The following PPP2R5C variants were observed in gnomAD, a reference collection of about 807,000 sequenced individuals.
PPP2R5C encodes the protein serine/threonine-protein phosphatase 2A 56 kDa regulatory subunit gamma isoform.
Under a neutral mutation model 68.9 loss-of-function variants are expected in PPP2R5C, and 7 were observed. The observed-to-expected ratio is 0.10, with a 90% CI of 0.06 to 0.19. The LOEUF (loss-of-function observed/expected upper bound fraction) is 0.19. PPP2R5C is among the 10% of genes least tolerant of loss of function. The probability of loss-of-function intolerance (pLI) is 1.00; values close to 1 mark genes in which losing one functional copy is unlikely to be tolerated. For synonymous variants in PPP2R5C, 210 were observed against 222.2 expected, an observed-to-expected ratio of 0.95 and a Z score of 0.49; for missense variants, 348 against 641.3, an observed-to-expected ratio of 0.54 and a Z score of 4.94.
At chr14:101,847,031 T>G (rs2041868063) in intron 1 of PPP2R5C, among the ~76,000 whole-genome samples, 1 of 152,242 alleles carries the variant, frequency 6.6e-6, no homozygotes. Flanking sequence ...TGTTGCATTC[T>G]ACTCTGATAC....
rs907358778 is a variant in PPP2R5C at position 101,915,512 on chromosome 14, C to T, written c.1327-2319C>T. ...TCCTTTGCCCCGAGGGCCAGAGAGC[C>T]GTGCTCCAAGCGGAGGCTGTTGGTG... On this transcript the variant is annotated intron_variant, in intron 12 of 13. Transcript: ENST00000334743. This position sits in a 1 kb window ranked among gnomAD's most constrained non-coding sequence, Gnocchi z 4.2. Among the ~76,000 whole-genome samples the T allele has an allele frequency of 1.1e-4, 17 of 152,166 alleles. No homozygotes were observed. Among genetic ancestry groups the T allele is most frequent in the Non-Finnish European group, 2.2e-4 (15 of 68,034 alleles).
rs1461533124 is a variant in PPP2R5C at position 101,800,295 on chromosome 14, G to C, written c.259+14112G>C. 2.0e-5 allele frequency among the ~76,000 whole-genome samples: 3 copies of C among 151,868 alleles called. No individual in the cohort carries two copies. The South Asian group carries it at 6.2e-4, about 32-fold the overall frequency. On this transcript the variant is annotated intron_variant, in intron 3 of 14. Transcript: ENST00000328724. ...CGTTACTTTAGGCCAGGCACGGTGG[G>C]TCATGCCTGTAATCCTAGAACTTCG...
chr14:101,829,018 T>G (rs2040571127), intron 1 of PPP2R5C, among the ~76,000 whole-genome samples: 1 of 152,204 alleles, frequency 6.6e-6, no homozygotes. Context: ...AACTATGTTT[T>G]CCAACTTTTC....
exon 14 of PPP2R5C, chr14:101,925,288 G>T (rs1327945731): frequency 1.2e-6 from 2 of 1,610,742 alleles, no homozygotes; most frequent in African/African-American, 1.3e-5. Flanking sequence ...GGGGCGCCGC[G>T]TCGGGGCCGG....
intron 3 of PPP2R5C, among the ~76,000 whole-genome samples, chr14:101,793,192 T>A (rs1436467501): frequency 1.3e-5 from 2 of 152,164 alleles, no homozygotes; most frequent in African/African-American, 4.8e-5. Context: ...CAGCTATTTT[T>A]CAAAGAGCCC....
At chr14:101,878,888 A>G (rs552911123) in intron 2 of PPP2R5C, among the ~76,000 whole-genome samples, 23 of 152,364 alleles carry the variant, frequency 1.5e-4, no homozygotes, top group African/African-American at 5.5e-4. Flanking sequence ...CCGGGTTGAC[A>G]CATACGGCCA....
chr14:101,844,650 A>G (rs1388530414), intron 1 of PPP2R5C, among the ~76,000 whole-genome samples: 2 of 152,204 alleles, frequency 1.3e-5, no homozygotes, highest in African/African-American at 2.4e-5. Context: ...GAAGTAGAGA[A>G]CATAAAAAGG....
intron 13 of PPP2R5C, among the ~76,000 whole-genome samples, chr14:101,919,797 A>G (rs772578952): frequency 1.3e-5 from 2 of 152,094 alleles, no homozygotes. Flanking sequence ...GGGAAACCCC[A>G]TCTCTACTAA....
chr14:101,765,369 TG>T (rs1416300592), intron 2 of PPP2R5C: 1 of 649,450 alleles, frequency 1.5e-6, no homozygotes. Context: ...ATTTTATTAT[TG>T]TTTTTTTTCC....
rs2038674882 is a variant in PPP2R5C, at chr14:101,797,599, C to G, written c.259+11416C>G. 4.2e-6 allele frequency: 1 copy of G among 238,806 alleles called. No individual in the cohort carries two copies. Among genetic ancestry groups the G allele is most frequent in the Admixed American group, 5.0e-5 (1 of 19,960 alleles). 14.8% of individuals were successfully genotyped at this position (238,806 alleles called of 1,614,324 possible). ...CACCTCCCTCCACCTCGGATTTCCT[C>G]TTGGAAAATGAGGCTCCTGACTCAC... is the stretch of plus-strand genomic sequence containing the variant. On this transcript the variant is annotated intron_variant, in intron 3 of 14. Coordinates refer to the PPP2R5C transcript ENST00000328724. This position sits in a 1 kb window ranked among gnomAD's most constrained non-coding sequence, Gnocchi z 4.2.
At chr14:101,776,275 C>T (rs2037417148) in intron 2 of PPP2R5C, among the ~76,000 whole-genome samples, 2 of 152,122 alleles carry the variant, frequency 1.3e-5, no homozygotes. Flanking sequence ...GGTCATCTCT[C>T]CCCTCACTGA....
At chr14:101,910,830 T>C (rs2046342114) in intron 11 of PPP2R5C, among the ~76,000 whole-genome samples, 1 of 148,666 alleles carries the variant, frequency 6.7e-6, no homozygotes. Flanking sequence ...AGGCCGGGCA[T>C]GGTGGCTCAT....
rs933542447 is a variant in PPP2R5C at position 101,907,369 on chromosome 14, C to T, written c.1151+840C>T. 3.3e-5 allele frequency among the ~76,000 whole-genome samples: 5 copies of T among 152,042 alleles called. No homozygotes were observed. The South Asian group carries it at 1.0e-3, about 32-fold the overall frequency. ...TATTTTTTGTAGAGATGGGGTTTTG[C>T]CATGTTGCCCAGGCTGGTCTCGAAC... On this transcript the variant is annotated intron_variant, in intron 10 of 13. Transcript: ENST00000334743.
In PPP2R5C at chr14:101,917,809, G is replaced by T; in HGVS notation, c.1327-22G>T. 1.9e-6 allele frequency: 3 copies of T among 1,612,714 alleles called. No individual in the cohort carries two copies. Among genetic ancestry groups the T allele is most frequent in the South Asian group, 1.1e-5 (1 of 90,966 alleles). On this transcript the variant is annotated intron_variant, in intron 12 of 13. Transcript: ENST00000334743. This position sits in a 1 kb window ranked among gnomAD's most constrained non-coding sequence, Gnocchi z 4.4. ...TCAGAGCCTGGGCACCTAACAGAGC[G>T]ACTCCACGCTTTGCATTGCAGTACA...
intron 1 of PPP2R5C, among the ~76,000 whole-genome samples, chr14:101,840,145 C>T (rs1011867460): frequency 6.6e-6 from 1 of 152,070 alleles, no homozygotes; most frequent in African/African-American, 2.4e-5. Flanking sequence ...TAGTGCCCAC[C>T]TTGTACCTTA....
chr14:101,905,302 C>T (rs538094180), intron 9 of PPP2R5C, among the ~76,000 whole-genome samples: 22 of 151,958 alleles, frequency 1.4e-4, no homozygotes, highest in African/African-American at 5.3e-4. Flanking sequence ...TGTAGTGAGT[C>T]GAGATAGCAC....
At chr14:101,836,490 C>T (rs1054858109) in intron 1 of PPP2R5C, 3 of 633,024 alleles carry the variant, frequency 4.7e-6, no homozygotes, top group African/African-American at 1.8e-5. Flanking sequence ...ACTTATGTCT[C>T]ATGCCAGGAT....
At chr14:101,904,493 A>C (rs966127586) in intron 9 of PPP2R5C, among the ~76,000 whole-genome samples, 1 of 152,212 alleles carries the variant, frequency 6.6e-6, no homozygotes, top group Non-Finnish European at 1.5e-5. Context: ...ACTCTTAAGT[A>C]AGAACTAGCC....
intron 1 of PPP2R5C, among the ~76,000 whole-genome samples, chr14:101,815,408 G>C (rs1566862014): frequency 6.6e-6 from 1 of 152,244 alleles, no homozygotes; most frequent in East Asian, 1.9e-4. Context: ...ATAGGAGTTT[G>C]TTAAAGGTTT....
Sources: allele counts gnomAD v4.1 joint callset (sites outside exome capture counted in the v4.1 genomes callset), GRCh38; gene constraint gnomAD v4.1.1; non-coding constraint Gnocchi (gnomAD v3.1); transcripts MANE v1.5; gene names NCBI Gene and HGNC (gene_info 2026-07-23, HGNC 2026-07-21).